PREX1: variants seen among roughly 807,000 people sequenced by gnomAD.
PREX1 encodes phosphatidylinositol 3,4,5-trisphosphate-dependent Rac exchanger 1 protein.
PREX1 carries 41 observed loss-of-function variants against 198.3 expected under a neutral mutation model. That is an observed-to-expected ratio of 0.21 (90% CI 0.16 to 0.27). The LOEUF is 0.27. Among genes scored for constraint, PREX1 ranks in the 10% least tolerant of loss-of-function variants. The pLI, the probability that PREX1 is intolerant of heterozygous loss-of-function variation, is 1.00. For synonymous variants in PREX1, 843 were observed against 887.2 expected (o/e 0.95, Z 0.89); for missense variants, 1,620 against 2,200.7 (o/e 0.74, Z 5.28).
chr20:48,828,880 A>G (rs1345802686), upstream of PREX1, among the ~76,000 whole-genome samples: 2 of 152,154 alleles, frequency 1.3e-5, no homozygotes, highest in Non-Finnish European at 2.9e-5. Flanking sequence ...GCTCTGGGCA[A>G]TGTTGATCAT....
intron 39 of PREX1, 29 bp from the exon 40 acceptor site, chr20:48,625,956 G>C (rs749227589): frequency 3.3e-6 from 5 of 1,535,676 alleles, no homozygotes; most frequent in Non-Finnish European, 4.4e-6. Context: ...AGAATGAGGA[G>C]AGGCCGGGGC....
chr20:48,653,891 A>T (rs181733877), intron 19 of PREX1, among the ~76,000 whole-genome samples: 292 of 152,366 alleles, frequency 1.9e-3, no homozygotes, highest in Middle Eastern at 0.014. Context: ...AGAAGCCAGG[A>T]TTCCAACCAG....
chr20:48,843,393 A>G, the PREX1 span, among the ~76,000 whole-genome samples: 2 of 152,196 alleles, frequency 1.3e-5, no homozygotes, highest in Non-Finnish European at 2.9e-5. Flanking sequence ...ATTTTCTACT[A>G]GAAAGGAAGG....
At chr20:48,678,078 C>G (rs970012070) in intron 13 of PREX1, among the ~76,000 whole-genome samples, 1 of 151,970 alleles carries the variant, frequency 6.6e-6, no homozygotes, top group Non-Finnish European at 1.5e-5. Flanking sequence ...CTTTGGGAGG[C>G]CAAGGCAGGC....
At chr20:48,652,910 C>T (rs2089511020) in intron 20 of PREX1, among the ~76,000 whole-genome samples, 1 of 152,168 alleles carries the variant, frequency 6.6e-6, no homozygotes, top group Admixed American at 6.5e-5. Flanking sequence ...TGGGTGCAGA[C>T]ACGTCTCTCC....
chr20:48,866,535 G>T, the PREX1 span, among the ~76,000 whole-genome samples: 1 of 152,206 alleles, frequency 6.6e-6, no homozygotes, highest in Non-Finnish European at 1.5e-5. Context: ...GGACACCAAA[G>T]TTTCTCAGTT....
intron 3 of PREX1, among the ~76,000 whole-genome samples, chr20:48,738,050 A>G (rs1324574062): frequency 2.0e-5 from 3 of 152,222 alleles, no homozygotes; most frequent in African/African-American, 7.2e-5. Context: ...AAAATGAAAG[A>G]CATGGACCCA....
intron 5 of PREX1, among the ~76,000 whole-genome samples, chr20:48,717,854 C>G (rs2089969067): frequency 6.6e-6 from 1 of 152,172 alleles, no homozygotes; most frequent in African/African-American, 2.4e-5. Context: ...TGCTGTGTGA[C>G]CTTGGACAAG....
intron 1 of PREX1, among the ~76,000 whole-genome samples, chr20:48,808,800 C>T (rs577225736): frequency 7.9e-5 from 12 of 152,066 alleles, no homozygotes; most frequent in Admixed American, 2.6e-4. Flanking sequence ...CGTGTGGATC[C>T]TAAAACAGGC....
the PREX1 span, among the ~76,000 whole-genome samples, chr20:48,885,377 G>C: frequency 1.3e-5 from 2 of 152,168 alleles, no homozygotes; most frequent in Non-Finnish European, 2.9e-5. Flanking sequence ...GTAGAGCTTT[G>C]GTTTAAAAGT....
intron 1 of PREX1, among the ~76,000 whole-genome samples, chr20:48,774,582 G>A (rs561021883): frequency 1.7e-3 from 256 of 152,318 alleles, no homozygotes; most frequent in African/African-American, 5.9e-3. Flanking sequence ...CATAAAAGAG[G>A]GTGATTCTGC....
At chr20:48,646,224 G>A (rs1568799731) in intron 25 of PREX1, among the ~76,000 whole-genome samples, 167 bp from the exon 26 acceptor site, 1 of 152,224 alleles carries the variant, frequency 6.6e-6, no homozygotes, top group Non-Finnish European at 1.5e-5. Flanking sequence ...ACCAGAAGGT[G>A]AGGCAGGAAG....
chr20:48,888,165 G>T, the PREX1 span, among the ~76,000 whole-genome samples: 1 of 152,046 alleles, frequency 6.6e-6, no homozygotes, highest in East Asian at 1.9e-4. Flanking sequence ...CTTACATGGT[G>T]GCCGCAAGAA....
intron 17 of PREX1, among the ~76,000 whole-genome samples, chr20:48,657,840 T>C (rs1424020393): frequency 6.6e-6 from 1 of 152,242 alleles, no homozygotes; most frequent in Non-Finnish European, 1.5e-5. Context: ...CCACTGTGAC[T>C]GGTTGCAGAA....
At chr20:48,772,841 C>T in intron 1 of PREX1, among the ~76,000 whole-genome samples, 1 of 152,198 alleles carries the variant, frequency 6.6e-6, no homozygotes, top group East Asian at 1.9e-4. Context: ...GGGCAGGTCA[C>T]TACGTTCGCC....
At chr20:48,800,224 T>G (rs1175302966) in intron 1 of PREX1, among the ~76,000 whole-genome samples, 1 of 152,170 alleles carries the variant, frequency 6.6e-6, no homozygotes, top group Non-Finnish European at 1.5e-5. Context: ...GTCACACCGC[T>G]GGGAAGTGGC....
chr20:48,876,934 TGTAA>T, the PREX1 span, among the ~76,000 whole-genome samples: 1 of 151,970 alleles, frequency 6.6e-6, no homozygotes, highest in African/African-American at 2.4e-5. Context: ...TTCTTTCAGT[TGTAA>T]GTATTAGCAA....
chr20:48,721,865 C>G (rs889915731), intron 5 of PREX1, among the ~76,000 whole-genome samples: 1 of 151,558 alleles, frequency 6.6e-6, no homozygotes, highest in Non-Finnish European at 1.5e-5. Context: ...CTCCTCATGG[C>G]GAGACATGGG....
At chr20:48,742,741 C>T (rs1385215439) in intron 3 of PREX1, among the ~76,000 whole-genome samples, 2 of 152,144 alleles carry the variant, frequency 1.3e-5, no homozygotes, top group African/African-American at 4.8e-5. Flanking sequence ...GCCCCCCAGC[C>T]CTCCGCTGCA....
Sources: gnomAD v4.1 joint callset for allele counts (sites outside exome capture counted in the v4.1 genomes callset) on GRCh38, gnomAD v4.1.1 for gene constraint, MANE v1.5 for transcripts, NCBI Gene and HGNC (gene_info 2026-07-23, HGNC 2026-07-21) for gene names.